The following CD47 variants were observed in gnomAD, a reference collection of about 807,000 sequenced individuals.
The protein encoded by CD47 is leukocyte surface antigen CD47.
In CD47, 11 loss-of-function variants were observed where a neutral mutation model predicts 44.6. The observed-to-expected ratio is 0.25, with a 90% confidence interval of 0.16 to 0.41. The LOEUF (loss-of-function observed/expected upper bound fraction) is 0.41. Ranked by LOEUF, CD47 falls within the 10% of genes least tolerant of loss-of-function variation. The pLI is 1.00. For missense variants in CD47, 306 were observed against 386.7 expected, an observed-to-expected ratio of 0.79 and a Z score of 1.75; for synonymous variants, 140 against 136.3, an observed-to-expected ratio of 1.03 and a Z score of -0.19.
At position 108,044,253 on chromosome 3, in the gene CD47, T is replaced by C. The variant is rs891432548; in HGVS notation, c.*3035A>G. On this transcript the variant is annotated 3_prime_UTR_variant, in exon 11 of 11. Transcript: ENST00000361309. ...TGCAAATAACAATTTGGTGGTCACT[T>C]ACTAAATTGACTATAGCATCCTGAA... 6.6e-6 allele frequency: 1 copy of C among 152,528 alleles called. No individual in the cohort carries two copies. Among genetic ancestry groups the C allele is most frequent in the Non-Finnish European group, 1.5e-5 (1 of 68,012 alleles). The allele number at this position is 152,528 out of a possible 1,614,324, so 9.4% of individuals were successfully genotyped here.
In CD47 at chr3:108,045,904, T is replaced by C. The variant is rs137859422; in HGVS notation, c.*1384A>G. The C allele has an allele frequency of 6.6e-6, 1 of 152,200 alleles. No homozygotes were observed. Among genetic ancestry groups the C allele is most frequent in the Non-Finnish European group, 1.5e-5 (1 of 68,042 alleles). 9.4% of individuals were successfully genotyped at this position (152,200 alleles called of 1,614,324 possible). On this transcript the variant is annotated 3_prime_UTR_variant, in exon 11 of 11. Coordinates refer to ENST00000361309, the MANE Select transcript of CD47 (RefSeq NM_001777.4). ...ATATAATTCCACCCAATAAAGAACTTTGTATTTAAATGTTTTTACTAAAAG... is the reference window on the plus strand; with the variant it reads ...ATATAATTCCACCCAATAAAGAACTCTGTATTTAAATGTTTTTACTAAAAG...
chr3:108,068,258 T>C (rs1486209008), intron 3 of CD47, among the ~76,000 whole-genome samples: 1 of 152,152 alleles, frequency 6.6e-6, no homozygotes, highest in Non-Finnish European at 1.5e-5. Context: ...AAAAGTTAGA[T>C]TTGGATCCAT....
In CD47 at chr3:108,046,732, C is replaced by T. The variant is rs1002493620; in HGVS notation, c.*556G>A. On this transcript the variant is annotated 3_prime_UTR_variant, in exon 11 of 11. Coordinates refer to ENST00000361309, the MANE Select transcript of CD47 (RefSeq NM_001777.4). Reference sequence around the variant, plus strand: ...AATATCACATCATACGGAGATCATACAAGATGCTCCCAACCAAATTCCTGC... The same window carrying T: ...AATATCACATCATACGGAGATCATATAAGATGCTCCCAACCAAATTCCTGC... The T allele has an allele frequency of 6.6e-6, 1 of 152,176 alleles. No individual in the cohort carries two copies. The highest frequency in any genetic ancestry group is 2.4e-5 in the African/African-American group (1 of 41,390). 9.4% of individuals were successfully genotyped at this position (152,176 alleles called of 1,614,324 possible). A position where few individuals can be genotyped will look rare whatever the true frequency, so the allele number is the denominator to read the frequency against.
Position 108,080,244 on chromosome 3 carries a change from T to G in CD47, c.147A>C (p.Gln49His). Residue 49 changes from glutamine (Q) to histidine (H), a missense_variant, in exon 2 of 11, where the codon CAA becomes CAC. By Grantham distance (24) the Gln-to-His change is conservative. Around this residue, in one of 5 missense-constraint regions of CD47, gnomAD observed 25 missense variants for 52.7 expected, o/e 0.47. Transcript: ENST00000361309. ...ACTTTACGTATACTTCAGTAGTGTT[T>G]TGTGCCTCCATATTAGTAACAAAGC... ...IPCFVTNMEA[Q>H]NTTEVYVKWK... The G allele has an allele frequency of 6.2e-7, 1 of 1,612,014 alleles. No homozygotes were observed. Among genetic ancestry groups the G allele is most frequent in the Admixed American group, 1.7e-5 (1 of 59,948 alleles).
intron 7 of CD47, chr3:108,052,854 C>G (rs571058555): frequency 6.6e-6 from 1 of 152,350 alleles, no homozygotes; most frequent in African/African-American, 2.4e-5. Context: ...GTAGTCCCAG[C>G]TACGTGGAAG....
In CD47 at chr3:108,046,431, G is replaced by A. The variant is rs2078723341; in HGVS notation, c.*857C>T. The A allele has an allele frequency of 6.6e-6, 1 of 152,634 alleles. No homozygotes were observed. Among genetic ancestry groups the A allele is most frequent in the African/African-American group, 2.4e-5 (1 of 41,448 alleles). 9.5% of individuals were successfully genotyped at this position (152,634 alleles called of 1,614,324 possible). A position where few individuals can be genotyped will look rare whatever the true frequency, so the allele number is the denominator to read the frequency against. ...ACCATAGCTATTTTTGCTGAAAAGT[G>A]TGAACACAGTGCTCTGAGAACAAGT... On this transcript the variant is annotated 3_prime_UTR_variant, in exon 11 of 11. Transcript: ENST00000361309.
intron 2 of CD47, among the ~76,000 whole-genome samples, chr3:108,074,153 C>T (rs1486644189): frequency 2.6e-5 from 4 of 152,092 alleles, no homozygotes; most frequent in Non-Finnish European, 5.9e-5. Context: ...AAATCTGAAT[C>T]GCCAGCTACT....
chr3:108,088,642 T>C (rs1160109015), intron 1 of CD47, among the ~76,000 whole-genome samples: 1 of 152,044 alleles, frequency 6.6e-6, no homozygotes, highest in African/African-American at 2.4e-5. Context: ...AAACAACTCA[T>C]TTTGAACAAA....
chr3:108,055,643 C>T lies in CD47; in HGVS notation c.877+1834G>A, dbSNP rs1444606990. 3.9e-5 allele frequency: 31 copies of T among 791,314 alleles called. No individual in the cohort carries two copies. In the South Asian group the frequency reaches 4.3e-4, roughly 11 times the overall value. 49.0% of individuals were successfully genotyped at this position (791,314 alleles called of 1,614,324 possible). On this transcript the variant is annotated intron_variant, in intron 7 of 10. Coordinates refer to ENST00000361309, the MANE Select transcript of CD47 (RefSeq NM_001777.4). ...AATTAGGACACTATCAATAAAATTGCACTAAATTTTAAACATATAGCATAA... is the reference window on the plus strand; with the variant it reads ...AATTAGGACACTATCAATAAAATTGTACTAAATTTTAAACATATAGCATAA...
chr3:108,071,214 AT>A (rs780712054), intron 2 of CD47, 32 bp from the exon 3 acceptor site: 2 of 967,686 alleles, frequency 2.1e-6, no homozygotes, highest in East Asian at 5.2e-5. Context: ...GTCACAATTA[AT>A]ATTTACTATA....
intron 6 of CD47, 117 bp from the exon 7 acceptor site, chr3:108,057,686 C>T (rs2078934707): frequency 3.6e-6 from 2 of 554,590 alleles, no homozygotes; most frequent in East Asian, 3.2e-5. Context: ...AAAAATTATC[C>T]ATATATGTTT....
rs532600932 is a variant in CD47 at position 108,059,204 on chromosome 3, T to C, written c.691+248A>G. ...TGAAAATAATCATTAAGAAGTTATA[T>C]GGCATAATTTAAAATTATGCTGATT... is the stretch of plus-strand genomic sequence containing the variant. On this transcript the variant is annotated intron_variant, in intron 5 of 10. Transcript: ENST00000361309. Among the ~76,000 whole-genome samples, 5 of 152,320 alleles carry C rather than the reference T, an allele frequency of 3.3e-5. No homozygotes were observed. The South Asian group carries it at 8.3e-4, about 25-fold the overall frequency.
chr3:108,047,237 T>A lies in CD47; in HGVS notation c.*51A>T, dbSNP rs1472177814. ...CCATGGTGCTTAAACACAAGTGTAT[T>A]CCTTTCACGTCTTACTACTCTCCAA... On this transcript the variant is annotated 3_prime_UTR_variant, in exon 11 of 11. Transcript: ENST00000361309. 1 of 1,526,044 alleles carries A rather than the reference T, an allele frequency of 6.6e-7. No homozygotes were observed. 94.5% of individuals were successfully genotyped at this position (1,526,044 alleles called of 1,614,324 possible). A position where few individuals can be genotyped will look rare whatever the true frequency, so the allele number is the denominator to read the frequency against.
chr3:108,066,072 TCATTA>T (rs1265659619), intron 3 of CD47, among the ~76,000 whole-genome samples: 1 of 152,136 alleles, frequency 6.6e-6, no homozygotes, highest in Non-Finnish European at 1.5e-5. Flanking sequence ...TGAATTACTT[TCATTA>T]TTAAGCTGTC....
rs138231748 is a variant in CD47, at chr3:108,075,445, T to TAC, written c.401-4265_401-4264dup. On this transcript the variant is annotated intron_variant, in intron 2 of 10. Transcript: ENST00000361309. ...CCCACAAACATAGGGAACACCAGGT[T>TAC]ACACACACACACACACGCATACACC... Among the ~76,000 whole-genome samples, 411 of 150,948 alleles carry TAC rather than the reference T, an allele frequency of 2.7e-3. 2 individuals carry two copies. The highest frequency in any genetic ancestry group is 4.5e-3 in the Non-Finnish European group (303 of 67,560).
chr3:108,090,078 G>T (rs528572438), intron 1 of CD47, among the ~76,000 whole-genome samples: 1 of 152,244 alleles, frequency 6.6e-6, no homozygotes, highest in African/African-American at 2.4e-5. Context: ...TTGACTGGAG[G>T]TTACTGTCTT....
intron 10 of CD47, among the ~76,000 whole-genome samples, chr3:108,048,498 C>G (rs921844625): frequency 6.6e-6 from 1 of 150,384 alleles, no homozygotes; most frequent in Non-Finnish European, 1.5e-5. Flanking sequence ...CATTCTCCTG[C>G]CTCAGCCTCC....
intron 2 of CD47, among the ~76,000 whole-genome samples, chr3:108,072,114 C>T (rs1017547364): frequency 1.3e-5 from 2 of 152,040 alleles, no homozygotes; most frequent in Non-Finnish European, 2.9e-5. Context: ...TCTTATAAAC[C>T]CCTAAGACCA....
intron 2 of CD47, among the ~76,000 whole-genome samples, chr3:108,072,692 T>C (rs191740493): frequency 4.2e-4 from 64 of 152,290 alleles, no homozygotes; most frequent in Non-Finnish European, 8.2e-4. Flanking sequence ...GTCACTTCAG[T>C]ATAGCCTAAA....
Sources: allele counts gnomAD v4.1 joint callset (sites outside exome capture counted in the v4.1 genomes callset), GRCh38; gene constraint gnomAD v4.1.1; regional missense constraint gnomAD v4.1.1; transcripts MANE v1.5; gene names NCBI Gene and HGNC (gene_info 2026-07-23, HGNC 2026-07-21).